Variants in HCN1 observed in about 807,000 individuals in gnomAD.
The protein encoded by HCN1 is hyperpolarization activated cyclic nucleotide gated potassium channel 1.
HCN1 carries 13 observed loss-of-function variants against 78.9 expected under a neutral mutation model. The ratio of observed to expected loss-of-function variants is 0.16; its 90% CI spans 0.11 to 0.26. The LOEUF is 0.26. HCN1 is among the 10% of genes least tolerant of loss of function. The pLI is 1.00. For synonymous variants in HCN1, 552 were observed against 455.5 expected (o/e 1.21, Z -2.70); for missense variants, 810 against 1,154.3 (o/e 0.70, Z 4.32).
At chr5:45,352,836 A>G (rs1199431358) in intron 5 of HCN1, among the ~76,000 whole-genome samples, 1 of 152,060 alleles carries the variant, frequency 6.6e-6, no homozygotes, top group African/African-American at 2.4e-5. Flanking sequence ...GGGACAATAT[A>G]GACAATGAGG....
At chr5:45,267,357 C>A in intron 6 of HCN1, 104 bp from the exon 7 acceptor site, 1 of 946,050 alleles carries the variant, frequency 1.1e-6, no homozygotes. Context: ...TGTGAAAAAA[C>A]AATTATTAGC....
intron 5 of HCN1, among the ~76,000 whole-genome samples, chr5:45,348,338 G>A (rs1340593567): frequency 1.3e-5 from 2 of 152,104 alleles, no homozygotes; most frequent in African/African-American, 2.4e-5. Context: ...TCACCAGCAG[G>A]CCTGCCCTAA....
chr5:45,351,887 G>T (rs1234048711), intron 5 of HCN1, among the ~76,000 whole-genome samples: 1 of 152,104 alleles, frequency 6.6e-6, no homozygotes, highest in Non-Finnish European at 1.5e-5. Context: ...ACAGGTACTG[G>T]AGAGGATGTG....
At chr5:45,396,004 G>T (rs527681160) in intron 4 of HCN1, among the ~76,000 whole-genome samples, 11 of 152,036 alleles carry the variant, frequency 7.2e-5, no homozygotes, top group Non-Finnish European at 1.6e-4. Context: ...AGAGTGTGGC[G>T]ACTTATCTAG....
Position 45,262,526 on chromosome 5 carries a change from G to T in HCN1, c.2068C>A (p.Pro690Thr). 1.9e-6 allele frequency: 3 copies of T among 1,613,814 alleles called. No homozygotes were observed. Among genetic ancestry groups the T allele is most frequent in the South Asian group, 2.2e-5 (2 of 91,062 alleles). The stretch of plus-strand genomic sequence containing the variant: ...GAGCAGGGTGACAGGATGGCTGATG[G>T]CTGGGGGGTCTGTGTGCTGGGACTG... ...SPSPSTQTPQ[P>T]SAILSPCSYT... Residue 690 changes from proline to threonine, a missense_variant, in exon 8 of 8, where the codon CCA becomes ACA. Around this residue, in one of 6 missense-constraint regions of HCN1, gnomAD observed 398 missense variants for 381.3 expected, o/e 1.04. Transcript: ENST00000303230.
At chr5:45,381,902 T>C (rs978560366) in intron 4 of HCN1, among the ~76,000 whole-genome samples, 4 of 152,156 alleles carry the variant, frequency 2.6e-5, no homozygotes, top group Admixed American at 6.6e-5. Flanking sequence ...TGGCTCCCCA[T>C]TGAAATGTAA....
At chr5:45,673,008 A>T (rs1268996718) in intron 1 of HCN1, among the ~76,000 whole-genome samples, 1 of 151,510 alleles carries the variant, frequency 6.6e-6, no homozygotes, top group East Asian at 1.9e-4. Flanking sequence ...TCTAATGTCC[A>T]TTCTCTGTTC....
chr5:45,600,573 C>T lies in HCN1; in HGVS notation c.849+44612G>A, dbSNP rs2589174. The stretch of plus-strand genomic sequence containing the variant: ...CCAAAAATTCTCAGGCCAGCTCATC[C>T]GCAAGGAGAGATCTTAACAACATCT... On this transcript the variant is annotated intron_variant, in intron 2 of 7. Coordinates refer to ENST00000303230, the MANE Select transcript of HCN1 (RefSeq NM_021072.4). 9.3e-3 allele frequency among the ~76,000 whole-genome samples: 1,409 copies of T among 152,214 alleles called. 24 individuals carry two copies. Among genetic ancestry groups the T allele is most frequent in the African/African-American group, 0.033 (1,374 of 41,536 alleles).
At chr5:45,576,453 G>T (rs1173132976) in intron 2 of HCN1, 1 of 152,016 alleles carries the variant, frequency 6.6e-6, no homozygotes, top group African/African-American at 2.4e-5. Context: ...TTTTTCTGAA[G>T]GAAGAGTAAA....
chr5:45,274,528 C>T (rs1745017558), intron 6 of HCN1, among the ~76,000 whole-genome samples: 1 of 152,176 alleles, frequency 6.6e-6, no homozygotes, highest in African/African-American at 2.4e-5. Context: ...AGAGTGCCAC[C>T]ACAAGCCTGG....
intron 3 of HCN1, among the ~76,000 whole-genome samples, chr5:45,460,116 T>C (rs1251165427): frequency 6.6e-6 from 1 of 152,174 alleles, no homozygotes; most frequent in Admixed American, 6.6e-5. Context: ...CTAGGCACTT[T>C]CTATGGTCTG....
chr5:45,318,798 G>A (rs537401818), intron 5 of HCN1, among the ~76,000 whole-genome samples: 94 of 151,898 alleles, frequency 6.2e-4, no homozygotes, highest in East Asian at 2.5e-3. Context: ...ATATGCACCC[G>A]TATAACCAGC....
intron 5 of HCN1, among the ~76,000 whole-genome samples, chr5:45,339,971 T>A (rs1746540859): frequency 6.6e-6 from 1 of 152,080 alleles, no homozygotes; most frequent in Admixed American, 6.6e-5. Flanking sequence ...CAGGCTGGAG[T>A]GCAATGGCAT....
intron 4 of HCN1, among the ~76,000 whole-genome samples, chr5:45,357,148 C>T (rs1444070200): frequency 2.0e-5 from 3 of 151,968 alleles, no homozygotes; most frequent in Admixed American, 6.6e-5. Flanking sequence ...TTTCTAAATG[C>T]CATGTTTCTG....
chr5:45,523,933 C>T (rs1040496516), intron 2 of HCN1, among the ~76,000 whole-genome samples: 1 of 152,092 alleles, frequency 6.6e-6, no homozygotes, highest in Non-Finnish European at 1.5e-5. Flanking sequence ...GAAGTCCTTG[C>T]CCATGCCTAT....
intron 2 of HCN1, among the ~76,000 whole-genome samples, chr5:45,532,738 A>G (rs1002078300): frequency 5.3e-5 from 8 of 152,222 alleles, no homozygotes; most frequent in African/African-American, 1.9e-4. Context: ...GACAGTGGTC[A>G]GAATCTCTGT....
At chr5:45,288,086 G>C (rs1745303003) in intron 6 of HCN1, among the ~76,000 whole-genome samples, 1 of 151,806 alleles carries the variant, frequency 6.6e-6, no homozygotes, top group Admixed American at 6.6e-5. Context: ...AGCATCTCAG[G>C]GTGCAGCTGC....
At chr5:45,314,888 A>G (rs1745945365) in intron 5 of HCN1, among the ~76,000 whole-genome samples, 1 of 152,190 alleles carries the variant, frequency 6.6e-6, no homozygotes, top group Non-Finnish European at 1.5e-5. Flanking sequence ...TATGCACCCA[A>G]TACAGGAGCA....
chr5:45,611,257 T>TA (rs201154069), intron 2 of HCN1, among the ~76,000 whole-genome samples: 8,930 of 147,580 alleles, frequency 0.061, 407 homozygotes, highest in Middle Eastern at 0.13. Context: ...TTTCTTTTTT[T>TA]TTTATCTTTT....
Sources: allele counts gnomAD v4.1 joint callset (sites outside exome capture counted in the v4.1 genomes callset), GRCh38; gene constraint gnomAD v4.1.1; regional missense constraint gnomAD v4.1.1; transcripts MANE v1.5; gene names NCBI Gene and HGNC (gene_info 2026-07-23, HGNC 2026-07-21).